AR: variants seen among roughly 807,000 people sequenced by gnomAD.
AR encodes androgen receptor.
Under a neutral mutation model 53.9 loss-of-function variants are expected in AR, and 8 were observed. The ratio of observed to expected loss-of-function variants is 0.15; its 90% CI spans 0.09 to 0.27. The LOEUF is 0.27. Ranked by LOEUF, AR falls within the 10% of genes least tolerant of loss-of-function variation. The probability of loss-of-function intolerance (pLI) is 1.00; values close to 1 mark genes in which losing one functional copy is unlikely to be tolerated. For synonymous variants in AR, 359 were observed against 316.4 expected (o/e 1.13, Z -1.43); for missense variants, 639 against 742.5 (o/e 0.86, Z 1.62).
At chrX:67,587,354 A>G (rs963650615) in intron 1 of AR, among the ~76,000 whole-genome samples, 12 of 112,677 alleles carry the variant, frequency 1.1e-4, no homozygotes, top group African/African-American at 3.9e-4. Flanking sequence ...TTGGCTATCC[A>G]TATGCTTTCC....
At chrX:67,631,951 A>G (rs941403617) in intron 1 of AR, among the ~76,000 whole-genome samples, 72 of 99,355 alleles carry the variant, frequency 7.2e-4, no homozygotes, top group African/African-American at 2.5e-3. Flanking sequence ...TAGGCTGCTC[A>G]GGGGTCAGGG....
intron 1 of AR, among the ~76,000 whole-genome samples, chrX:67,622,142 A>G (rs1924412566): frequency 8.9e-6 from 1 of 112,339 alleles, no homozygotes; most frequent in African/African-American, 3.2e-5. Context: ...TTGGTTCAGT[A>G]AGATTTAACA....
intron 1 of AR, among the ~76,000 whole-genome samples, chrX:67,595,395 CT>C (rs907432073): frequency 3.6e-5 from 4 of 110,310 alleles, no homozygotes; most frequent in African/African-American, 1.3e-4. Flanking sequence ...GATTATGCGA[CT>C]GTATTATCTG....
intron 1 of AR, among the ~76,000 whole-genome samples, chrX:67,619,066 C>T (rs966844716): frequency 9.0e-6 from 1 of 111,594 alleles, no homozygotes; most frequent in Non-Finnish European, 1.9e-5. Flanking sequence ...GAAGAGTCTG[C>T]TAACTGAAGG....
intron 1 of AR, among the ~76,000 whole-genome samples, chrX:67,630,783 G>A (rs189200760): frequency 1.4e-4 from 16 of 110,714 alleles, no homozygotes; most frequent in East Asian, 1.4e-3. Context: ...GGTACCGGTC[G>A]TTCCTTTCCA....
At position 67,663,239 on chromosome X, in the gene AR, G is replaced by A. The variant is rs181042516; in HGVS notation, c.1768+19832G>A. ...TAGCCTCGACGGTCTTTACAATTTG[G>A]TATGTTTTTGCAGTGGCTGGTACCG... On this transcript the variant is annotated intron_variant, in intron 2 of 7. Coordinates refer to ENST00000374690, the MANE Select transcript of AR (RefSeq NM_000044.6). Among the ~76,000 whole-genome samples the A allele has an allele frequency of 7.0e-3, 783 of 111,984 alleles. 5 individuals are homozygous for A. The highest frequency in any genetic ancestry group is 0.024 in the African/African-American group (749 of 30,823).
At chrX:67,690,909 G>A (rs997515214) in intron 3 of AR, among the ~76,000 whole-genome samples, 1 of 111,740 alleles carries the variant, frequency 8.9e-6, no homozygotes, top group Non-Finnish European at 1.9e-5. Context: ...ACAGCAATTG[G>A]TTTAACATGG....
intron 3 of AR, among the ~76,000 whole-genome samples, chrX:67,708,868 C>A (rs1265803270): frequency 8.9e-6 from 1 of 112,192 alleles, no homozygotes; most frequent in East Asian, 2.8e-4. Context: ...CAGTCAGGAC[C>A]CTCAGCTGCA....
At position 67,569,016 on chromosome X, in the gene AR, T is replaced by C. The variant is rs1921682698; in HGVS notation, c.1616+22254T>C. On this transcript the variant is annotated intron_variant, in intron 1 of 7. Coordinates refer to ENST00000374690, the MANE Select transcript of AR (RefSeq NM_000044.6). ...TCACTTTTTCCCATGATACTCTGGC[T>C]TCACAGGTGGGAGGTTCTTCAATTG... 2.5e-6 allele frequency: 3 copies of C among 1,210,773 alleles called. No homozygotes were observed. In the Admixed American group the frequency reaches 6.5e-5, roughly 26 times the overall value.
chrX:67,593,593 G>C (rs1345810767), intron 1 of AR, among the ~76,000 whole-genome samples: 3 of 110,863 alleles, frequency 2.7e-5, no homozygotes, highest in Admixed American at 9.6e-5. Flanking sequence ...CTCATGATCT[G>C]CCCGCCTTGC....
intron 1 of AR, among the ~76,000 whole-genome samples, chrX:67,623,659 T>TGA (rs1924480046): frequency 9.1e-6 from 1 of 109,753 alleles, no homozygotes; most frequent in South Asian, 3.9e-4. Flanking sequence ...ATAAATGAAA[T>TGA]AATAGAGTAG....
chrX:67,589,898 C>T (rs1319838073), intron 1 of AR, among the ~76,000 whole-genome samples: 8 of 111,541 alleles, frequency 7.2e-5, no homozygotes, highest in Non-Finnish European at 1.1e-4. Flanking sequence ...TTATATATCC[C>T]AATAGAGAAG....
intron 2 of AR, among the ~76,000 whole-genome samples, chrX:67,674,373 G>T (rs921988761): frequency 1.8e-5 from 2 of 109,700 alleles, no homozygotes; most frequent in Non-Finnish European, 1.9e-5. Flanking sequence ...AAGCCTAAGG[G>T]CTATACAATC....
chrX:67,545,978 G>A lies in AR; in HGVS notation c.832G>A (p.Ala278Thr), dbSNP rs1250886649. Residue 278 changes from alanine to threonine, a missense_variant, in exon 1 of 8, where the codon GCT becomes ACT. Physicochemically the swap from Ala to Thr is moderately conservative, Grantham distance 58. Transcript: ENST00000374690. ...CGCCCCACTTTTGGGAGTTCCACCCGCTGTGCGTCCCACTCCTTGTGCCCC... is the reference window on the plus strand; with the variant it reads ...CGCCCCACTTTTGGGAGTTCCACCCACTGTGCGTCCCACTCCTTGTGCCCC... ...MYAPLLGVPP[A>T]VRPTPCAPLA... 3 of 1,210,998 alleles carry A rather than the reference G, an allele frequency of 2.5e-6. No homozygotes were observed. The highest frequency in any genetic ancestry group is 3.4e-6 in the Non-Finnish European group (3 of 895,427).
chrX:67,583,979 G>T (rs889241702), intron 1 of AR, among the ~76,000 whole-genome samples: 1 of 112,075 alleles, frequency 8.9e-6, no homozygotes, highest in Non-Finnish European at 1.9e-5. Context: ...CATAGTAAAC[G>T]CAAAGCACAG....
At chrX:67,641,059 T>TATCTG (rs1356478288) in intron 1 of AR, among the ~76,000 whole-genome samples, 2 of 111,714 alleles carry the variant, frequency 1.8e-5, no homozygotes, top group African/African-American at 6.5e-5. Context: ...TAGGGCCAGA[T>TATCTG]GCTAAGAGTT....
chrX:67,721,911 A>T lies in AR; in HGVS notation c.2397A>T (p.Gln799His). ...RHLSQEFGWLQITPQEFLCMK... is the reference protein window; with the variant it reads ...RHLSQEFGWLHITPQEFLCMK... ...TCTCTCAAGAGTTTGGATGGCTCCA[A>T]ATCACCCCCCAGGAATTCCTGTGCA... The change falls in exon 6 of 8, where the codon CAA becomes CAT. Residue 799 changes from glutamine to histidine, a missense_variant. Physicochemically the swap from Gln to His is conservative, Grantham distance 24 (BLOSUM62 0). Transcript: ENST00000374690. The T allele has an allele frequency of 8.3e-7, 1 of 1,211,270 alleles. No homozygotes were observed. Among genetic ancestry groups the T allele is most frequent in the Non-Finnish European group, 1.1e-6 (1 of 895,353 alleles).
intron 3 of AR, chrX:67,694,717 C>G (rs1436858333): frequency 1.7e-6 from 2 of 1,154,795 alleles, no homozygotes; most frequent in Non-Finnish European, 2.3e-6. Flanking sequence ...AATGACCAGA[C>G]CCTGAAGAAA....
intron 1 of AR, among the ~76,000 whole-genome samples, chrX:67,588,814 A>C (rs1922682820): frequency 8.9e-6 from 1 of 111,918 alleles, no homozygotes; most frequent in Non-Finnish European, 1.9e-5. Context: ...TGGGGTGGAC[A>C]GTTTGTCATT....
Sources: gnomAD v4.1 joint callset for allele counts (sites outside exome capture counted in the v4.1 genomes callset) on GRCh38, gnomAD v4.1.1 for gene constraint, MANE v1.5 for transcripts, NCBI Gene and HGNC (gene_info 2026-07-23, HGNC 2026-07-21) for gene names.